The following CNTNAP2 variants were observed in gnomAD, a reference collection of about 807,000 sequenced individuals.
CNTNAP2 encodes the protein contactin associated protein 2.
CNTNAP2 carries 98 observed loss-of-function variants against 155.2 expected under a neutral mutation model. The observed-to-expected ratio is 0.63, with a 90% CI of 0.54 to 0.75. The LOEUF (loss-of-function observed/expected upper bound fraction) is 0.75. Among genes scored for constraint, CNTNAP2 ranks in the 30% least tolerant of loss-of-function variants. The pLI, the probability that CNTNAP2 is intolerant of heterozygous loss-of-function variation, is 0.00. For missense variants in CNTNAP2, 1,727 were observed against 1,688.1 expected (o/e 1.02, Z -0.40); for synonymous variants, 651 against 631.2 (o/e 1.03, Z -0.47).
At chr7:147,318,026 C>T (rs1795266116) in intron 9 of CNTNAP2, among the ~76,000 whole-genome samples, 1 of 151,948 alleles carries the variant, frequency 6.6e-6, no homozygotes, top group Admixed American at 6.6e-5. Context: ...TTAATGTTCT[C>T]CTTTCTTTTT....
At chr7:147,528,069 T>G (rs1799358174) in intron 11 of CNTNAP2, among the ~76,000 whole-genome samples, 1 of 152,198 alleles carries the variant, frequency 6.6e-6, no homozygotes, top group South Asian at 2.1e-4. Context: ...GGGTGGACTC[T>G]AAGGATATTG....
At chr7:146,829,007 T>C (rs1010849122) in intron 2 of CNTNAP2, among the ~76,000 whole-genome samples, 1 of 152,098 alleles carries the variant, frequency 6.6e-6, no homozygotes, top group African/African-American at 2.4e-5. Flanking sequence ...AGCAACTGTT[T>C]AGCTTTTGGG....
intron 21 of CNTNAP2, among the ~76,000 whole-genome samples, chr7:148,329,110 C>T (rs111791117): frequency 2.6e-5 from 4 of 152,092 alleles, no homozygotes; most frequent in African/African-American, 9.7e-5. Flanking sequence ...GGACTCTGAC[C>T]CCTGGACCAG....
intron 13 of CNTNAP2, among the ~76,000 whole-genome samples, chr7:147,678,084 C>T (rs965174152): frequency 2.0e-5 from 3 of 151,804 alleles, no homozygotes; most frequent in Non-Finnish European, 4.4e-5. Context: ...ATAACCTAAA[C>T]TTGATAACCA....
intron 1 of CNTNAP2, among the ~76,000 whole-genome samples, chr7:146,763,153 G>A (rs1802133787): frequency 6.6e-6 from 1 of 152,154 alleles, no homozygotes; most frequent in African/African-American, 2.4e-5. Flanking sequence ...TTTCCGTCCT[G>A]TTTACCTCAT....
At chr7:147,616,455 T>C (rs1430360649) in intron 12 of CNTNAP2, among the ~76,000 whole-genome samples, 1 of 152,196 alleles carries the variant, frequency 6.6e-6, no homozygotes, top group Non-Finnish European at 1.5e-5. Flanking sequence ...GTTCCCTGCC[T>C]TTTTGTCTTA....
At chr7:146,153,132 G>A (rs748548546) in intron 1 of CNTNAP2, among the ~76,000 whole-genome samples, 3 of 151,888 alleles carry the variant, frequency 2.0e-5, no homozygotes, top group Non-Finnish European at 4.4e-5. Context: ...TCATGTTACT[G>A]GTTTTGTTTT....
chr7:146,913,413 A>T (rs992408091), intron 3 of CNTNAP2, among the ~76,000 whole-genome samples: 2 of 152,154 alleles, frequency 1.3e-5, no homozygotes, highest in Admixed American at 1.3e-4. Flanking sequence ...GAGAAGAGAA[A>T]GTGAGTTTGT....
At chr7:146,719,146 T>TA (rs1801241646) in intron 1 of CNTNAP2, among the ~76,000 whole-genome samples, 1 of 152,214 alleles carries the variant, frequency 6.6e-6, no homozygotes, top group South Asian at 2.1e-4. Context: ...TTATTTGTTC[T>TA]ATGACTTTTC....
At chr7:147,177,348 G>T (rs2201643) in intron 8 of CNTNAP2, among the ~76,000 whole-genome samples, 77,813 of 151,802 alleles carry the variant, frequency 0.51, 20,634 homozygotes, top group South Asian at 0.67. Flanking sequence ...TCTCACGAGA[G>T]CTGATGGTTT....
At chr7:148,127,839 T>C (rs567893140) in intron 16 of CNTNAP2, among the ~76,000 whole-genome samples, 7 of 152,318 alleles carry the variant, frequency 4.6e-5, no homozygotes, top group African/African-American at 1.7e-4. Context: ...TTAGTACAAA[T>C]CAGGTGTTAG....
intron 8 of CNTNAP2, among the ~76,000 whole-genome samples, chr7:147,251,255 G>T (rs773156182): frequency 8.5e-5 from 13 of 152,084 alleles, no homozygotes; most frequent in Non-Finnish European, 1.3e-4. Context: ...ATCCCCTGCC[G>T]AAGACTCTGC....
chr7:148,087,213 C>A (rs1253095396), intron 15 of CNTNAP2, among the ~76,000 whole-genome samples: 1 of 151,992 alleles, frequency 6.6e-6, no homozygotes, highest in Non-Finnish European at 1.5e-5. Flanking sequence ...TTATGTGGGG[C>A]CCCATGTTGT....
intron 21 of CNTNAP2, among the ~76,000 whole-genome samples, chr7:148,330,413 AGATGGATGGAGTGGACG>A (rs1797969351): frequency 7.4e-6 from 1 of 134,370 alleles, no homozygotes; most frequent in African/African-American, 2.9e-5. Flanking sequence ...TGGAGTGGAC[AGATGGATGGAGTGGACG>A]GATGGAGCAG....
intron 10 of CNTNAP2, among the ~76,000 whole-genome samples, chr7:147,410,578 T>C (rs980057973): frequency 1.3e-5 from 2 of 152,132 alleles, no homozygotes; most frequent in African/African-American, 4.8e-5. Context: ...GAAATGCAGG[T>C]AGTGAGATAC....
intron 15 of CNTNAP2, among the ~76,000 whole-genome samples, chr7:148,011,285 T>C (rs1454465224): frequency 1.3e-5 from 2 of 152,160 alleles, no homozygotes; most frequent in Non-Finnish European, 2.9e-5. Flanking sequence ...ATCATATAAA[T>C]ATATCAGTAT....
chr7:146,816,380 C>G (rs1007201021), intron 2 of CNTNAP2, among the ~76,000 whole-genome samples: 8 of 152,080 alleles, frequency 5.3e-5, no homozygotes, highest in African/African-American at 1.9e-4. Context: ...GTGGAGAGAA[C>G]TTTTCATTTC....
At chr7:146,632,564 G>A (rs1415897124) in intron 1 of CNTNAP2, among the ~76,000 whole-genome samples, 1 of 151,880 alleles carries the variant, frequency 6.6e-6, no homozygotes, top group Non-Finnish European at 1.5e-5. Flanking sequence ...ATATTTTCAA[G>A]TTAATTATTC....
At chr7:147,949,499 T>G (rs1250747547) in intron 14 of CNTNAP2, among the ~76,000 whole-genome samples, 1 of 149,990 alleles carries the variant, frequency 6.7e-6, no homozygotes. Context: ...AAATCCTCTC[T>G]CCAAAGCTAT....
Sources: allele counts gnomAD v4.1 joint callset (sites outside exome capture counted in the v4.1 genomes callset), GRCh38; gene constraint gnomAD v4.1.1; transcripts MANE v1.5; gene names NCBI Gene and HGNC (gene_info 2026-07-23, HGNC 2026-07-21).